Variants in RBFOX3 observed in about 807,000 individuals in gnomAD.
RBFOX3 encodes the protein RNA binding fox-1 homolog 3, also known as RNA binding protein fox-1 homolog 3.
RBFOX3 carries 17 observed loss-of-function variants against 48.7 expected under a neutral mutation model. The observed-to-expected ratio is 0.35, with a 90% CI of 0.24 to 0.52. RBFOX3 has a LOEUF of 0.52. Ranked by LOEUF, RBFOX3 falls within the 20% of genes least tolerant of loss-of-function variation. RBFOX3 has a pLI of 0.94. For missense variants in RBFOX3, 382 were observed against 497.5 expected, an observed-to-expected ratio of 0.77 and a Z score of 2.21; for synonymous variants, 212 against 209.5, an observed-to-expected ratio of 1.01 and a Z score of -0.10.
intron 2 of RBFOX3, among the ~76,000 whole-genome samples, chr17:79,398,530 T>A (rs553953491): frequency 6.6e-6 from 1 of 151,634 alleles, no homozygotes; most frequent in African/African-American, 2.4e-5. Flanking sequence ...CACGTGGCAA[T>A]GTCTGGAGAC....
At chr17:79,104,867 G>T (rs2077075806) in intron 6 of RBFOX3, among the ~76,000 whole-genome samples, 1 of 151,634 alleles carries the variant, frequency 6.6e-6, no homozygotes, top group African/African-American at 2.4e-5. Context: ...TTCCGCCCAG[G>T]CCCCCGGGAC....
At chr17:79,656,712 A>AGC in the RBFOX3 span, among the ~76,000 whole-genome samples, 1 of 92,326 alleles carries the variant, frequency 1.1e-5, no homozygotes, top group African/African-American at 5.2e-5. Context: ...AAGGAAGGAG[A>AGC]GAGAGAGAGA....
At chr17:79,411,111 T>A (rs2064262466) in intron 2 of RBFOX3, among the ~76,000 whole-genome samples, 1 of 152,204 alleles carries the variant, frequency 6.6e-6, no homozygotes, top group South Asian at 2.1e-4. Context: ...TGAGCACATT[T>A]TTTTCGTGCC....
At chr17:79,367,788 T>C (rs956118784) in intron 2 of RBFOX3, among the ~76,000 whole-genome samples, 1 of 151,966 alleles carries the variant, frequency 6.6e-6, no homozygotes, top group Non-Finnish European at 1.5e-5. Flanking sequence ...AGCCAAGGTA[T>C]GTGACAGAGG....
intron 2 of RBFOX3, among the ~76,000 whole-genome samples, chr17:79,424,893 T>G (rs1410904677): frequency 6.6e-6 from 1 of 151,982 alleles, no homozygotes; most frequent in South Asian, 2.1e-4. Context: ...CCCACCATGG[T>G]CAACTGTCTG....
rs1183860705 is a variant in RBFOX3, at chr17:79,483,821, C to A, written c.-319-1223G>T. On this transcript the variant is annotated intron_variant, in intron 1 of 14. Coordinates refer to ENST00000693108, the MANE Select transcript of RBFOX3 (RefSeq NM_001350451.2). ...AATGAACCCACAAAAGTTACTCCCC[C>A]ATTAATACTTCTGGGTTTATTTAGA... Among the ~76,000 whole-genome samples, 7 of 152,246 alleles carry A rather than the reference C, an allele frequency of 4.6e-5. No individual in the cohort carries two copies. The East Asian group carries it at 1.4e-3, about 30-fold the overall frequency.
rs534663733 is a variant in RBFOX3 at position 79,405,710 on chromosome 17, G to T, written c.-175+76744C>A. Among the ~76,000 whole-genome samples the T allele has an allele frequency of 5.9e-4, 90 of 152,344 alleles. 2 individuals are homozygous for T. The highest frequency in any genetic ancestry group is 9.8e-4 in the Non-Finnish European group (67 of 68,040). ...CTCTCCAGCCTGGGTGACAGAGTGA[G>T]ACTCTATCTCAAAAACAAAAACAAG... On this transcript the variant is annotated intron_variant, in intron 2 of 14. Coordinates refer to ENST00000693108, the MANE Select transcript of RBFOX3 (RefSeq NM_001350451.2).
intron 3 of RBFOX3, among the ~76,000 whole-genome samples, chr17:79,288,464 T>C (rs1600434591): frequency 1.3e-5 from 2 of 150,608 alleles, no homozygotes; most frequent in African/African-American, 2.4e-5. Flanking sequence ...ACTGCCCCTT[T>C]CCATTCTCTG....
At chr17:79,637,073 T>A in the RBFOX3 span, among the ~76,000 whole-genome samples, 1 of 152,166 alleles carries the variant, frequency 6.6e-6, no homozygotes, top group South Asian at 2.1e-4. Context: ...TACTATATAA[T>A]GATAAAAGGG....
intron 4 of RBFOX3, among the ~76,000 whole-genome samples, chr17:79,174,604 CACTG>C (rs1427304874): frequency 6.6e-6 from 1 of 152,066 alleles, no homozygotes; most frequent in African/African-American, 2.4e-5. Flanking sequence ...ACACCACTCA[CACTG>C]ACACACATCC....
intron 1 of RBFOX3, among the ~76,000 whole-genome samples, chr17:79,558,017 G>A (rs1481017553): frequency 3.9e-5 from 6 of 152,172 alleles, no homozygotes; most frequent in Admixed American, 6.5e-5. Context: ...AAATCTAAGA[G>A]GAGAAAAAAG....
chr17:79,146,195 G>A (rs1191029002), intron 4 of RBFOX3, among the ~76,000 whole-genome samples: 4 of 152,166 alleles, frequency 2.6e-5, no homozygotes, highest in African/African-American at 9.7e-5. Flanking sequence ...TTCCCACCAA[G>A]CCATGGAGGG....
intron 4 of RBFOX3, among the ~76,000 whole-genome samples, chr17:79,179,037 G>A (rs2146006783): frequency 6.6e-6 from 1 of 152,302 alleles, no homozygotes; most frequent in African/African-American, 2.4e-5. Context: ...CTCAGACGGG[G>A]TTCCTGGAAT....
chr17:79,379,932 C>T (rs2059686457), intron 2 of RBFOX3, among the ~76,000 whole-genome samples: 1 of 152,298 alleles, frequency 6.6e-6, no homozygotes, highest in East Asian at 1.9e-4. Context: ...CCTGCCGCGG[C>T]CTCTCCCGCA....
At chr17:79,178,953 A>G (rs1232351695) in intron 4 of RBFOX3, among the ~76,000 whole-genome samples, 2 of 152,194 alleles carry the variant, frequency 1.3e-5, no homozygotes, top group South Asian at 2.1e-4. Context: ...GCTGCTGTTC[A>G]GTGCCCTCCT....
intron 2 of RBFOX3, among the ~76,000 whole-genome samples, chr17:79,432,015 C>T (rs892934083): frequency 6.6e-6 from 1 of 152,198 alleles, no homozygotes; most frequent in East Asian, 1.9e-4. Flanking sequence ...TGAATGTAAC[C>T]ATTCTAGGGA....
At chr17:79,562,547 G>A (rs2092283733) in intron 1 of RBFOX3, among the ~76,000 whole-genome samples, 1 of 152,124 alleles carries the variant, frequency 6.6e-6, no homozygotes, top group Non-Finnish European at 1.5e-5. Context: ...ATTTCACTCC[G>A]AATTAGTCTG....
chr17:79,441,874 G>A (rs1486585253), intron 2 of RBFOX3, among the ~76,000 whole-genome samples: 1 of 152,100 alleles, frequency 6.6e-6, no homozygotes, highest in Non-Finnish European at 1.5e-5. Flanking sequence ...TAGTGAGGCA[G>A]GTGAAATCAA....
intron 1 of RBFOX3, among the ~76,000 whole-genome samples, chr17:79,504,022 TGCTCC>T (rs2082731765): frequency 2.7e-5 from 4 of 149,020 alleles, no homozygotes; most frequent in African/African-American, 5.1e-5. Context: ...GGTGGCAGGG[TGCTCC>T]AGGTGGCAGG....
Sources: gnomAD v4.1 joint callset for allele counts (sites outside exome capture counted in the v4.1 genomes callset) on GRCh38, gnomAD v4.1.1 for gene constraint, MANE v1.5 for transcripts, NCBI Gene and HGNC (gene_info 2026-07-23, HGNC 2026-07-21) for gene names.